DLGAP2: variants seen among roughly 807,000 people sequenced by gnomAD.
DLGAP2 encodes the protein DLG associated protein 2.
Under a neutral mutation model 100.3 loss-of-function variants are expected in DLGAP2, and 26 were observed. The ratio of observed to expected loss-of-function variants is 0.26; its 90% CI spans 0.19 to 0.36. The LOEUF is 0.36. DLGAP2 is among the 10% of genes least tolerant of loss of function. DLGAP2 has a pLI of 1.00. For missense variants in DLGAP2, 1,858 were observed against 1,453.2 expected (o/e 1.28, Z -4.53); for synonymous variants, 886 against 630.1 (o/e 1.41, Z -6.08).
intron 2 of DLGAP2, among the ~76,000 whole-genome samples, chr8:1,144,938 C>T (rs563118074): frequency 1.4e-4 from 21 of 150,784 alleles, no homozygotes; most frequent in South Asian, 6.3e-4. Context: ...AAACCGCAGA[C>T]GGCCTGTACC....
chr8:1,055,799 G>A (rs1802865900), intron 2 of DLGAP2, among the ~76,000 whole-genome samples: 1 of 152,240 alleles, frequency 6.6e-6, no homozygotes, highest in Admixed American at 6.5e-5. Flanking sequence ...CGCCAGCAGA[G>A]AGGGGCACCT....
intron 3 of DLGAP2, among the ~76,000 whole-genome samples, chr8:1,389,671 C>T (rs140638036): frequency 4.5e-4 from 68 of 152,188 alleles, no homozygotes; most frequent in Admixed American, 1.4e-3. Flanking sequence ...ATGGATGCAG[C>T]GGAGAGACAA....
chr8:868,462 C>A (rs1797537999), intron 1 of DLGAP2, among the ~76,000 whole-genome samples: 1 of 152,192 alleles, frequency 6.6e-6, no homozygotes, highest in African/African-American at 2.4e-5. Context: ...TGAGAAGGTC[C>A]CTGGTTGGCG....
chr8:1,306,704 G>C (rs1158719515), intron 3 of DLGAP2, among the ~76,000 whole-genome samples: 1 of 152,268 alleles, frequency 6.6e-6, no homozygotes, highest in East Asian at 1.9e-4. Context: ...CAGACATCTA[G>C]ACTAATGGAA....
intron 2 of DLGAP2, among the ~76,000 whole-genome samples, chr8:1,252,472 C>A (rs4345582): frequency 6.8e-6 from 1 of 147,480 alleles, no homozygotes. Context: ...GCGTGTGTTG[C>A]GTTGTCCTGG....
chr8:1,493,601 A>G (rs185111521), intron 3 of DLGAP2, among the ~76,000 whole-genome samples: 2 of 152,196 alleles, frequency 1.3e-5, no homozygotes, highest in South Asian at 2.1e-4. Context: ...CGTTGGTTTA[A>G]TGGTGAAGGC....
In DLGAP2 at chr8:1,633,728, G is replaced by A. The variant is rs76435909; in HGVS notation, c.1810+682G>A. On this transcript the variant is annotated intron_variant, in intron 8 of 14. Coordinates refer to ENST00000637795, the MANE Select transcript of DLGAP2 (RefSeq NM_001346810.2). ...GCAAGCAATAAAAGCTCGAGGCGCC[G>A]CACATAGAGGTTAAGGAAAGGAGCT... is the stretch of plus-strand genomic sequence containing the variant. 1.8e-3 allele frequency among the ~76,000 whole-genome samples: 281 copies of A among 152,202 alleles called. 1 individual carries two copies. Among genetic ancestry groups the A allele is most frequent in the African/African-American group, 6.3e-3 (263 of 41,506 alleles).
intron 3 of DLGAP2, among the ~76,000 whole-genome samples, chr8:1,347,773 C>G (rs1464858249): frequency 1.3e-5 from 2 of 151,930 alleles, no homozygotes; most frequent in African/African-American, 4.8e-5. Flanking sequence ...ACATTGCACT[C>G]ATGGTAACTG....
chr8:766,639 T>C (rs946821940), intron 1 of DLGAP2, among the ~76,000 whole-genome samples: 2 of 152,176 alleles, frequency 1.3e-5, no homozygotes, highest in Non-Finnish European at 2.9e-5. Context: ...CTTGGAGTGA[T>C]CATGTCCGTT....
intron 3 of DLGAP2, among the ~76,000 whole-genome samples, chr8:1,481,688 G>A (rs913214189): frequency 6.6e-6 from 1 of 151,904 alleles, no homozygotes; most frequent in Non-Finnish European, 1.5e-5. Flanking sequence ...TTGTTGGCCA[G>A]GCTTGTCTCG....
chr8:1,500,126 A>G (rs1459634142), intron 3 of DLGAP2, among the ~76,000 whole-genome samples: 1 of 152,244 alleles, frequency 6.6e-6, no homozygotes, highest in Non-Finnish European at 1.5e-5. Context: ...AATGGTGACA[A>G]AGATGTGTGT....
intron 2 of DLGAP2, among the ~76,000 whole-genome samples, chr8:1,173,264 G>A (rs58128329): frequency 0.057 from 8,683 of 152,170 alleles, 328 homozygotes; most frequent in East Asian, 0.1. Context: ...AGGAGTACCC[G>A]GCCACGTGAG....
At chr8:1,617,780 C>T (rs1157661132) in intron 6 of DLGAP2, among the ~76,000 whole-genome samples, 1 of 152,170 alleles carries the variant, frequency 6.6e-6, no homozygotes, top group Non-Finnish European at 1.5e-5. Context: ...AATATTAACG[C>T]TATGCATTAC....
chr8:814,228 G>C (rs10089553), intron 1 of DLGAP2, among the ~76,000 whole-genome samples: 38,080 of 152,092 alleles, frequency 0.25, 5,201 homozygotes, highest in African/African-American at 0.36. Context: ...CCTCAGTTTT[G>C]GTAACTGAGT....
intron 2 of DLGAP2, among the ~76,000 whole-genome samples, chr8:1,188,121 G>C (rs1415527100): frequency 2.2e-4 from 27 of 123,404 alleles, no homozygotes; most frequent in South Asian, 5.5e-4. Context: ...CGTGACATTT[G>C]CCTCACGGAA....
At chr8:1,054,271 G>C (rs758968508) in intron 2 of DLGAP2, among the ~76,000 whole-genome samples, 6 of 151,350 alleles carry the variant, frequency 4.0e-5, no homozygotes, top group Non-Finnish European at 8.8e-5. Flanking sequence ...CACACACACG[G>C]ACACACACGC....
At chr8:1,592,898 A>G (rs779561985) in intron 6 of DLGAP2, among the ~76,000 whole-genome samples, 1 of 152,196 alleles carries the variant, frequency 6.6e-6, no homozygotes, top group Non-Finnish European at 1.5e-5. Flanking sequence ...TTTAGTTTCA[A>G]ATGGATGCAG....
At chr8:1,331,453 A>G (rs1429832195) in intron 3 of DLGAP2, among the ~76,000 whole-genome samples, 1 of 152,152 alleles carries the variant, frequency 6.6e-6, no homozygotes, top group African/African-American at 2.4e-5. Context: ...TCCAGGCACC[A>G]TGCCGGGCAA....
At chr8:897,483 T>A (rs535603290) in intron 1 of DLGAP2, among the ~76,000 whole-genome samples, 11 of 152,344 alleles carry the variant, frequency 7.2e-5, no homozygotes, top group Admixed American at 6.5e-4. Flanking sequence ...GTTGTAAAAA[T>A]TGTTGTGCAG....
Sources: allele counts gnomAD v4.1 joint callset (sites outside exome capture counted in the v4.1 genomes callset), GRCh38; gene constraint gnomAD v4.1.1; transcripts MANE v1.5; gene names NCBI Gene and HGNC (gene_info 2026-07-23, HGNC 2026-07-21).